PTPRG: variants seen among roughly 807,000 people sequenced by gnomAD.
PTPRG encodes the protein receptor-type tyrosine-protein phosphatase gamma.
Under a neutral mutation model 165.3 loss-of-function variants are expected in PTPRG, and 102 were observed. That is an observed-to-expected ratio of 0.62 (90% CI 0.53 to 0.73). The LOEUF (loss-of-function observed/expected upper bound fraction) is 0.73. Among genes scored for constraint, PTPRG ranks in the 30% least tolerant of loss-of-function variants. PTPRG has a pLI of 0.00. For missense variants in PTPRG, 1,866 were observed against 1,861.4 expected (o/e 1.00, Z -0.05); for synonymous variants, 675 against 669.5 (o/e 1.01, Z -0.13).
chr3:61,631,331 G>C (rs1412494972), intron 1 of PTPRG, among the ~76,000 whole-genome samples: 1 of 152,190 alleles, frequency 6.6e-6, no homozygotes, highest in Non-Finnish European at 1.5e-5. Flanking sequence ...GTTATCTGCA[G>C]TTGCCTGCAT....
At chr3:62,189,436 G>A (rs954297849) in intron 8 of PTPRG, among the ~76,000 whole-genome samples, 42 of 152,266 alleles carry the variant, frequency 2.8e-4, no homozygotes, top group Middle Eastern at 3.4e-3. Context: ...GGGCTGCAGG[G>A]CATGTGGGTG....
intron 2 of PTPRG, among the ~76,000 whole-genome samples, chr3:61,944,759 C>T (rs2039714535): frequency 6.6e-6 from 1 of 152,118 alleles, no homozygotes; most frequent in Non-Finnish European, 1.5e-5. Context: ...AATAAACTGG[C>T]TCTGGTTCTT....
Position 61,928,525 on chromosome 3 carries a change from A to G in PTPRG, c.191-61100A>G, listed in dbSNP as rs572023925. ...CTGCATGAGGAGGGTATTTATTCAG[A>G]TTTCATGGATGGGGCCAGTATTTTC... On this transcript the variant is annotated intron_variant, in intron 2 of 29. Coordinates refer to ENST00000474889, the MANE Select transcript of PTPRG (RefSeq NM_002841.4). Among the ~76,000 whole-genome samples, 19 of 152,280 alleles carry G rather than the reference A, an allele frequency of 1.2e-4. No homozygotes were observed. In the South Asian group the frequency reaches 3.7e-3, roughly 30 times the overall value.
chr3:62,077,913 G>A (rs527871764), intron 4 of PTPRG, among the ~76,000 whole-genome samples: 1 of 151,238 alleles, frequency 6.6e-6, no homozygotes, highest in South Asian at 2.1e-4. Context: ...CAGGAGAATC[G>A]CTTGAACCTG....
At chr3:61,698,697 T>C (rs2030753685) in intron 1 of PTPRG, among the ~76,000 whole-genome samples, 1 of 152,228 alleles carries the variant, frequency 6.6e-6, no homozygotes. Flanking sequence ...GGATATTTAC[T>C]GTTCTAAAAA....
At chr3:62,025,293 A>G (rs2041780661) in intron 4 of PTPRG, among the ~76,000 whole-genome samples, 1 of 152,166 alleles carries the variant, frequency 6.6e-6, no homozygotes, top group African/African-American at 2.4e-5. Context: ...TAATGTTACT[A>G]TGGGGAATTT....
In PTPRG at chr3:62,212,111, G is replaced by A. The variant is rs79186302; in HGVS notation, c.2156-6740G>A. Among the ~76,000 whole-genome samples, 72 of 152,168 alleles carry A rather than the reference G, an allele frequency of 4.7e-4. No individual in the cohort carries two copies. The East Asian group carries it at 0.012, about 26-fold the overall frequency. ...TTAACCTTACCTTCCTCCTGCATAC[G>A]CTCAGAGAGGGTTCGTTAGCATTTT... On this transcript the variant is annotated intron_variant, in intron 12 of 29. Transcript: ENST00000474889.
At chr3:62,238,636 A>G (rs1403339740) in intron 14 of PTPRG, among the ~76,000 whole-genome samples, 1 of 152,086 alleles carries the variant, frequency 6.6e-6, no homozygotes, top group African/African-American at 2.4e-5. Flanking sequence ...AGAGCTATAT[A>G]TACCCCACCC....
intron 1 of PTPRG, among the ~76,000 whole-genome samples, chr3:61,674,616 GGTTTAGCAGATGTTT>G (rs1197612340): frequency 6.6e-6 from 1 of 151,824 alleles, no homozygotes; most frequent in Admixed American, 6.6e-5. Flanking sequence ...ACTTCTGTTT[GGTTTAGCAGATGTTT>G]GTTGAGCAGC....
chr3:61,883,383 C>T (rs1033335163), intron 2 of PTPRG, among the ~76,000 whole-genome samples: 2 of 152,196 alleles, frequency 1.3e-5, no homozygotes, highest in Admixed American at 6.5e-5. Flanking sequence ...TGGGGTCTAA[C>T]GGTGCAAAAG....
chr3:61,718,035 C>G (rs2031882719), intron 1 of PTPRG, among the ~76,000 whole-genome samples: 1 of 150,710 alleles, frequency 6.6e-6, no homozygotes, highest in Admixed American at 6.6e-5. Context: ...AAAAAATTAG[C>G]CGGGCATGGT....
At chr3:61,946,610 A>G (rs992996027) in intron 2 of PTPRG, among the ~76,000 whole-genome samples, 1 of 152,244 alleles carries the variant, frequency 6.6e-6, no homozygotes, top group African/African-American at 2.4e-5. Context: ...TAAACCAAGT[A>G]CAGGTATGAT....
chr3:61,786,249 CT>C (rs1159294116), intron 2 of PTPRG, among the ~76,000 whole-genome samples: 1 of 152,184 alleles, frequency 6.6e-6, no homozygotes, highest in African/African-American at 2.4e-5. Context: ...CCAATGGACA[CT>C]TTAGCTTCTA....
intron 7 of PTPRG, among the ~76,000 whole-genome samples, chr3:62,163,759 T>C (rs768763958): frequency 3.5e-4 from 53 of 152,210 alleles, no homozygotes; most frequent in Non-Finnish European, 1.3e-4. Context: ...ATATCACAAC[T>C]CTTTGAATAG....
chr3:62,075,791 G>A (rs1034928760), intron 4 of PTPRG, among the ~76,000 whole-genome samples: 1 of 152,076 alleles, frequency 6.6e-6, no homozygotes, highest in African/African-American at 2.4e-5. Context: ...CTGGGGTGTG[G>A]TTGTTCAGTC....
At chr3:61,712,190 G>A (rs1321951925) in intron 1 of PTPRG, among the ~76,000 whole-genome samples, 3 of 152,062 alleles carry the variant, frequency 2.0e-5, no homozygotes, top group East Asian at 3.9e-4. Flanking sequence ...CACCGCGCCC[G>A]GCCTGTTATT....
At chr3:62,253,314 CTT>C (rs1701463984) in intron 15 of PTPRG, among the ~76,000 whole-genome samples, 2 of 152,084 alleles carry the variant, frequency 1.3e-5, no homozygotes. Flanking sequence ...TAAATGTTGC[CTT>C]CAACTTATTA....
intron 2 of PTPRG, among the ~76,000 whole-genome samples, chr3:61,945,387 C>T (rs1408490690): frequency 6.6e-6 from 1 of 151,762 alleles, no homozygotes; most frequent in East Asian, 1.9e-4. Flanking sequence ...TGGTCAAACC[C>T]TTTCTCTACT....
chr3:62,205,179 G>A (rs553084432), intron 12 of PTPRG, among the ~76,000 whole-genome samples: 1 of 152,086 alleles, frequency 6.6e-6, no homozygotes, highest in South Asian at 2.1e-4. Context: ...GGGGTCTCCT[G>A]TGGGTATTGC....
Sources: allele counts gnomAD v4.1 joint callset (sites outside exome capture counted in the v4.1 genomes callset), GRCh38; gene constraint gnomAD v4.1.1; transcripts MANE v1.5; gene names NCBI Gene and HGNC (gene_info 2026-07-23, HGNC 2026-07-21).